DPM1: variants seen among roughly 807,000 people sequenced by gnomAD.
The protein encoded by DPM1 is dolichol-phosphate mannosyltransferase subunit 1.
A neutral mutation model predicts 39.0 loss-of-function variants in DPM1; 27 were observed. The observed-to-expected ratio is 0.69, with a 90% CI of 0.51 to 0.95. The LOEUF (loss-of-function observed/expected upper bound fraction) is 0.95. Ranked by LOEUF, DPM1 falls within the 40% of genes least tolerant of loss-of-function variation. DPM1 has a pLI of 0.00. For missense variants in DPM1, 307 were observed against 315.6 expected, an observed-to-expected ratio of 0.97 and a Z score of 0.21; for synonymous variants, 124 against 109.0, an observed-to-expected ratio of 1.14 and a Z score of -0.86.
intron 3 of DPM1, 88 bp from the exon 4 acceptor site, chr20:50,946,011 A>G (rs1986263466): frequency 9.0e-7 from 1 of 1,111,996 alleles, no homozygotes; most frequent in African/African-American, 1.5e-5. Context: ...TAGCACCTGA[A>G]GAGCACACAT....
At chr20:50,942,366 C>T (rs1326397700) in intron 5 of DPM1, among the ~76,000 whole-genome samples, 7 of 152,060 alleles carry the variant, frequency 4.6e-5, no homozygotes, top group African/African-American at 1.2e-4. Context: ...ATTAGCCTGG[C>T]GCGGTGGCGG....
chr20:50,951,840 G>A (rs1416880691), intron 2 of DPM1, among the ~76,000 whole-genome samples: 2 of 151,848 alleles, frequency 1.3e-5, no homozygotes, highest in Non-Finnish European at 2.9e-5. Context: ...AGGCAACTTC[G>A]GTTTTACTGG....
chr20:50,946,956 C>G (rs1986323234), intron 3 of DPM1, among the ~76,000 whole-genome samples: 1 of 152,322 alleles, frequency 6.6e-6, no homozygotes, highest in African/African-American at 2.4e-5. Context: ...CGCTTGTAAT[C>G]CCAGCACTTT....
chr20:50,957,412 A>C (rs1986883842), intron 1 of DPM1, among the ~76,000 whole-genome samples: 1 of 152,240 alleles, frequency 6.6e-6, no homozygotes, highest in Non-Finnish European at 1.5e-5. Context: ...TCCCTAGTAC[A>C]CAAGTAAAAG....
Position 50,940,860 on chromosome 20 carries a change from T to C in DPM1, c.563+5A>G. ...ATATAAAAGTAGTGGAAATTTTCAC[T>C]GTACCTGAAACTTCCTGTTAAATCA... On this transcript the variant is annotated splice_donor_5th_base_variant and intron_variant, in intron 7 of 8. Transcript: ENST00000371588. The C allele has an allele frequency of 6.2e-7, 1 of 1,612,068 alleles. No homozygotes were observed. Among genetic ancestry groups the C allele is most frequent in the Non-Finnish European group, 8.5e-7 (1 of 1,178,260 alleles).
chr20:50,953,411 G>T (rs1040486684), intron 2 of DPM1, among the ~76,000 whole-genome samples: 10 of 152,178 alleles, frequency 6.6e-5, no homozygotes, highest in African/African-American at 2.2e-4. Context: ...TTTATCTGAG[G>T]TATTCTAACA....
chr20:50,945,380 A>AC (rs1323417648), intron 5 of DPM1, among the ~76,000 whole-genome samples: 10 of 152,056 alleles, frequency 6.6e-5, no homozygotes, highest in African/African-American at 2.4e-4. Context: ...TCTCAGGGTC[A>AC]CCAAGACTAG....
At chr20:50,951,338 G>A (rs1232274405) in intron 2 of DPM1, among the ~76,000 whole-genome samples, 1 of 152,158 alleles carries the variant, frequency 6.6e-6, no homozygotes, top group Non-Finnish European at 1.5e-5. Context: ...AGAATTAGAA[G>A]TAATGATGAT....
intron 2 of DPM1, among the ~76,000 whole-genome samples, chr20:50,953,015 G>T (rs1986659809): frequency 6.6e-6 from 1 of 152,110 alleles, no homozygotes; most frequent in African/African-American, 2.4e-5. Flanking sequence ...CCCAAATGTG[G>T]TATTCATACT....
chr20:50,940,987 G>T, intron 6 of DPM1, 54 bp from the exon 7 acceptor site: 1 of 1,492,860 alleles, frequency 6.7e-7, no homozygotes, highest in South Asian at 1.1e-5. Context: ...ATAAACAAGA[G>T]AAACACATCG....
chr20:50,943,769 T>C (rs1250797337), intron 5 of DPM1, among the ~76,000 whole-genome samples: 1 of 145,716 alleles, frequency 6.9e-6, no homozygotes, highest in African/African-American at 2.6e-5. Context: ...AGATGGAGTC[T>C]CGCTCTGTCG....
At chr20:50,956,752 G>A (rs543857476) in intron 1 of DPM1, among the ~76,000 whole-genome samples, 2 of 152,106 alleles carry the variant, frequency 1.3e-5, no homozygotes, top group Non-Finnish European at 2.9e-5. Context: ...AAATATGTAA[G>A]GTGATTTTAA....
At chr20:50,941,020 A>G (rs1218569404) in intron 6 of DPM1, 87 bp from the exon 7 acceptor site, 1 of 1,205,200 alleles carries the variant, frequency 8.3e-7, no homozygotes, top group African/African-American at 1.5e-5. Context: ...AAAATGCTAT[A>G]CTAATTTCAT....
At position 50,934,970 on chromosome 20, in the gene DPM1, A is replaced by C; in HGVS notation, c.*162T>G. On this transcript the variant is annotated 3_prime_UTR_variant, in exon 9 of 9. Transcript: ENST00000371588. ...TCATTAGGCCAGCAACTTTAAAATT[A>C]TTTAATTTGAAATATAAAATAGGTG... 1.8e-6 allele frequency: 1 copy of C among 559,768 alleles called. No individual in the cohort carries two copies. The highest frequency in any genetic ancestry group is 3.5e-5 in the Admixed American group (1 of 28,852). 34.7% of individuals were successfully genotyped at this position (559,768 alleles called of 1,614,324 possible). A position where few individuals can be genotyped will look rare whatever the true frequency, so the allele number is the denominator to read the frequency against.
At chr20:50,953,520 C>T (rs1306273251) in intron 2 of DPM1, among the ~76,000 whole-genome samples, 1 of 151,898 alleles carries the variant, frequency 6.6e-6, no homozygotes, top group Non-Finnish European at 1.5e-5. Context: ...TTTTAAAAGT[C>T]ATTTTCTAGT....
intron 1 of DPM1, among the ~76,000 whole-genome samples, chr20:50,955,790 C>G (rs1986796407): frequency 6.6e-6 from 1 of 152,184 alleles, no homozygotes; most frequent in African/African-American, 2.4e-5. Context: ...GTCTCAATCT[C>G]CTGACCTCGT....
Position 50,935,256 on chromosome 20 carries a change from G to C in DPM1, c.679-20C>G. 1 of 1,147,024 alleles carries C rather than the reference G, an allele frequency of 8.7e-7. No individual in the cohort carries two copies. 71.1% of individuals were successfully genotyped at this position (1,147,024 alleles called of 1,614,324 possible). Reference sequence around the variant, plus strand: ...TGGAACCTAGTTTAAAAAAAAAAAAGTAACGTTAGTCTTTAAAAACAATTA... The same window carrying C: ...TGGAACCTAGTTTAAAAAAAAAAAACTAACGTTAGTCTTTAAAAACAATTA... On this transcript the variant is annotated intron_variant, in intron 8 of 8. Transcript: ENST00000371588.
chr20:50,945,306 G>A (rs1986207712), intron 5 of DPM1, among the ~76,000 whole-genome samples: 2 of 113,224 alleles, frequency 1.8e-5, no homozygotes, highest in African/African-American at 5.9e-5. Flanking sequence ...GTGTGTGTGT[G>A]TGTGTGTGTG....
chr20:50,952,207 A>G (rs987328577), intron 2 of DPM1, among the ~76,000 whole-genome samples: 14 of 152,238 alleles, frequency 9.2e-5, no homozygotes, highest in South Asian at 2.1e-4. Flanking sequence ...ACAGGCATAT[A>G]CTTTTTGAAG....
Sources: allele counts gnomAD v4.1 joint callset (sites outside exome capture counted in the v4.1 genomes callset), GRCh38; gene constraint gnomAD v4.1.1; transcripts MANE v1.5; gene names NCBI Gene and HGNC (gene_info 2026-07-23, HGNC 2026-07-21).